EPHA6: variants seen among roughly 807,000 people sequenced by gnomAD.
EPHA6 encodes ephrin type-A receptor 6.
In EPHA6, 50 loss-of-function variants were observed where a neutral mutation model predicts 112.0. That is an observed-to-expected ratio of 0.45 (90% CI 0.36 to 0.56). EPHA6 has a LOEUF of 0.56. Among genes scored for constraint, EPHA6 ranks in the 20% least tolerant of loss-of-function variants. EPHA6 has a pLI of 0.00. For missense variants in EPHA6, 1,280 were observed against 1,417.4 expected (o/e 0.90, Z 1.56); for synonymous variants, 529 against 490.7 (o/e 1.08, Z -1.03).
At chr3:97,191,211 T>C (rs1050595502) in intron 3 of EPHA6, among the ~76,000 whole-genome samples, 2 of 152,060 alleles carry the variant, frequency 1.3e-5, no homozygotes, top group African/African-American at 4.8e-5. Flanking sequence ...GGTATATATA[T>C]TTTTGGGGTG....
intron 2 of EPHA6, among the ~76,000 whole-genome samples, chr3:96,978,993 A>G (rs912892004): frequency 7.2e-5 from 11 of 152,300 alleles, no homozygotes; most frequent in Non-Finnish European, 1.5e-4. Context: ...TTTTTGTTGA[A>G]CATGGTTAAT....
At chr3:96,971,915 A>G (rs74914301) in intron 2 of EPHA6, among the ~76,000 whole-genome samples, 8 of 152,232 alleles carry the variant, frequency 5.3e-5, no homozygotes, top group African/African-American at 1.9e-4. Context: ...TGGAGGAATA[A>G]TTAATTATTG....
Position 96,987,698 on chromosome 3 carries a change from A to G in EPHA6, c.819A>G (p.Ile273Met), listed in dbSNP as rs1268440251. The change falls in exon 3 of 18, where the codon ATA (isoleucine) becomes ATG (methionine). Residue 273 changes from isoleucine (I) to methionine (M), a missense_variant. Transcript: ENST00000389672. Reference protein sequence around the residue: ...LNTEIREVGPIERKGFYLAFQ... With the variant: ...LNTEIREVGPMERKGFYLAFQ... ...CTGAAATTCGTGAGGTGGGGCCTAT[A>G]GAAAGGAAAGGATTTTATCTGGCTT... The G allele has an allele frequency of 1.2e-6, 2 of 1,607,846 alleles. No homozygotes were observed. The highest frequency in any genetic ancestry group is 4.5e-5 in the East Asian group (2 of 44,786).
At chr3:97,313,798 T>C (rs1057461719) in intron 5 of EPHA6, among the ~76,000 whole-genome samples, 1 of 151,660 alleles carries the variant, frequency 6.6e-6, no homozygotes. Flanking sequence ...GAGGTATTCT[T>C]TGCAAATATT....
At chr3:97,578,872 A>C (rs2093412078) in intron 11 of EPHA6, among the ~76,000 whole-genome samples, 2 of 152,216 alleles carry the variant, frequency 1.3e-5, no homozygotes, top group Non-Finnish European at 2.9e-5. Context: ...TGTGTTAAAA[A>C]TTTGGTCAGT....
intron 5 of EPHA6, among the ~76,000 whole-genome samples, chr3:97,345,004 G>A (rs2083470088): frequency 6.6e-6 from 1 of 152,012 alleles, no homozygotes; most frequent in Admixed American, 6.6e-5. Flanking sequence ...CTGAGCAAGA[G>A]TGTAAATTCT....
intron 3 of EPHA6, among the ~76,000 whole-genome samples, chr3:97,187,204 T>C (rs1315871760): frequency 6.6e-6 from 1 of 152,100 alleles, no homozygotes. Flanking sequence ...TCAGTTCTTT[T>C]CTGAAATGTG....
chr3:97,372,469 G>A (rs1219848094), intron 5 of EPHA6, among the ~76,000 whole-genome samples: 1 of 152,138 alleles, frequency 6.6e-6, no homozygotes, highest in Non-Finnish European at 1.5e-5. Flanking sequence ...ATGTGGCTAA[G>A]GAGATGTGGA....
At chr3:97,270,123 G>C (rs1048510059) in intron 5 of EPHA6, among the ~76,000 whole-genome samples, 2 of 152,062 alleles carry the variant, frequency 1.3e-5, no homozygotes, top group African/African-American at 2.4e-5. Context: ...TTCAGAAAAA[G>C]CTAAAAATAA....
intron 8 of EPHA6, among the ~76,000 whole-genome samples, 167 bp from the exon 9 acceptor site, chr3:97,479,127 A>G (rs886725396): frequency 2.0e-5 from 3 of 152,180 alleles, no homozygotes; most frequent in African/African-American, 7.2e-5. Flanking sequence ...GGCTAATTTC[A>G]GTGTACATAA....
At chr3:97,144,785 G>A (rs1343571367) in intron 3 of EPHA6, among the ~76,000 whole-genome samples, 4 of 150,970 alleles carry the variant, frequency 2.6e-5, no homozygotes, top group South Asian at 4.2e-4. Flanking sequence ...TTTTCATACA[G>A]CTAAATGTCT....
chr3:97,575,347 T>C (rs918651151), intron 11 of EPHA6, among the ~76,000 whole-genome samples: 1 of 152,100 alleles, frequency 6.6e-6, no homozygotes, highest in East Asian at 1.9e-4. Context: ...TATGATGCAG[T>C]GAAAAGAAGG....
At chr3:97,658,022 T>C (rs2094147131) in intron 14 of EPHA6, among the ~76,000 whole-genome samples, 2 of 151,628 alleles carry the variant, frequency 1.3e-5, no homozygotes, top group Non-Finnish European at 3.0e-5. Context: ...GGGGAGGAAA[T>C]AGGAAGGAAA....
At chr3:97,297,571 C>A (rs2080918964) in intron 5 of EPHA6, among the ~76,000 whole-genome samples, 1 of 151,818 alleles carries the variant, frequency 6.6e-6, no homozygotes, top group Non-Finnish European at 1.5e-5. Flanking sequence ...ATATGAAGGT[C>A]CCAGAAGGTA....
intron 3 of EPHA6, among the ~76,000 whole-genome samples, chr3:97,037,987 A>G (rs2045169975): frequency 6.6e-6 from 1 of 151,980 alleles, no homozygotes; most frequent in Non-Finnish European, 1.5e-5. Flanking sequence ...TTATTTATTT[A>G]TTCATTGAGA....
At chr3:97,142,724 T>A (rs1159018981) in intron 3 of EPHA6, among the ~76,000 whole-genome samples, 1 of 151,810 alleles carries the variant, frequency 6.6e-6, no homozygotes, top group African/African-American at 2.4e-5. Flanking sequence ...CACAGCCCAA[T>A]CTTACCAGAC....
chr3:97,056,123 C>T (rs1178003746), intron 3 of EPHA6, among the ~76,000 whole-genome samples: 1 of 152,110 alleles, frequency 6.6e-6, no homozygotes, highest in African/African-American at 2.4e-5. Context: ...TAATGCTTTA[C>T]ACAGAATATT....
chr3:97,582,406 A>T (rs914851672), intron 11 of EPHA6, among the ~76,000 whole-genome samples: 49 of 152,266 alleles, frequency 3.2e-4, no homozygotes, highest in African/African-American at 1.1e-3. Flanking sequence ...GAGTGACATA[A>T]TCTAAACTGG....
At chr3:97,080,571 T>C (rs1399291068) in intron 3 of EPHA6, among the ~76,000 whole-genome samples, 1 of 151,930 alleles carries the variant, frequency 6.6e-6, no homozygotes, top group Non-Finnish European at 1.5e-5. Flanking sequence ...AGAACAGAAA[T>C]TACTGTATAT....
Sources: gnomAD v4.1 joint callset for allele counts (sites outside exome capture counted in the v4.1 genomes callset) on GRCh38, gnomAD v4.1.1 for gene constraint, MANE v1.5 for transcripts, NCBI Gene and HGNC (gene_info 2026-07-23, HGNC 2026-07-21) for gene names.